VAV3: variants seen among roughly 807,000 people sequenced by gnomAD.
VAV3 encodes the protein vav guanine nucleotide exchange factor 3.
A neutral mutation model predicts 131.2 loss-of-function variants in VAV3; 94 were observed. The observed-to-expected ratio is 0.72, with a 90% CI of 0.61 to 0.85. The LOEUF is 0.85. Ranked by LOEUF, VAV3 falls within the 40% of genes least tolerant of loss-of-function variation. The pLI, the probability that VAV3 is intolerant of heterozygous loss-of-function variation, is 0.00. For missense variants in VAV3, 939 were observed against 1,002.7 expected, an observed-to-expected ratio of 0.94 and a Z score of 0.86; for synonymous variants, 349 against 342.0, an observed-to-expected ratio of 1.02 and a Z score of -0.22.
intron 20 of VAV3, among the ~76,000 whole-genome samples, chr1:107,633,438 C>T (rs1238753062): frequency 1.3e-5 from 2 of 152,162 alleles, no homozygotes; most frequent in African/African-American, 2.4e-5. Flanking sequence ...TTGACTACTT[C>T]CTGTCTCTTT....
chr1:107,836,424 T>C (rs1440531566), intron 2 of VAV3, among the ~76,000 whole-genome samples: 1 of 152,136 alleles, frequency 6.6e-6, no homozygotes, highest in Non-Finnish European at 1.5e-5. Flanking sequence ...ATAATGAGAG[T>C]AGTTTTAAGA....
intron 15 of VAV3, among the ~76,000 whole-genome samples, chr1:107,733,093 C>T (rs990674543): frequency 1.3e-5 from 2 of 152,186 alleles, no homozygotes; most frequent in African/African-American, 4.8e-5. Flanking sequence ...CCAAGGAAAA[C>T]AGGGTCTGGA....
intron 2 of VAV3, among the ~76,000 whole-genome samples, chr1:107,837,978 G>A (rs755878660): frequency 5.9e-5 from 9 of 152,050 alleles, no homozygotes; most frequent in Non-Finnish European, 1.2e-4. Flanking sequence ...ATGGGACCTG[G>A]CAAATAATTC....
Position 107,777,292 on chromosome 1 carries a change from A to G in VAV3, c.385T>C (p.Phe129Leu). Residue 129 changes from phenylalanine to leucine, a missense_variant, in exon 4 of 27, where the codon TTC (phenylalanine) becomes CTC (leucine). Physicochemically the swap from Phe to Leu is conservative, Grantham distance 22 (BLOSUM62 0). Coordinates refer to ENST00000370056, the MANE Select transcript of VAV3 (RefSeq NM_006113.5). ...PIALATGIRP[F>L]PTEESINDED... ...TCATTAATGCTTTCTTCTGTTGGGA[A>G]GGGCCTAGGAAGAGGAGAAAAAACA... 1 of 1,613,852 alleles carries G rather than the reference A, an allele frequency of 6.2e-7. No individual in the cohort carries two copies. Among genetic ancestry groups the G allele is most frequent in the Non-Finnish European group, 8.5e-7 (1 of 1,179,920 alleles).
chr1:107,918,583 T>C (rs1055827372), intron 1 of VAV3, among the ~76,000 whole-genome samples: 7 of 151,724 alleles, frequency 4.6e-5, no homozygotes, highest in African/African-American at 1.7e-4. Context: ...GCTCACTGTA[T>C]CCAAATTAAT....
chr1:107,868,792 G>A (rs1670120890), intron 2 of VAV3, among the ~76,000 whole-genome samples: 1 of 152,112 alleles, frequency 6.6e-6, no homozygotes, highest in African/African-American at 2.4e-5. Context: ...CATTTAACTG[G>A]TGAAACACAG....
chr1:107,944,677 T>C (rs1674164292), intron 1 of VAV3, among the ~76,000 whole-genome samples: 1 of 152,178 alleles, frequency 6.6e-6, no homozygotes, highest in Non-Finnish European at 1.5e-5. Context: ...CAATCTCAGC[T>C]CACTGCAACC....
intron 1 of VAV3, among the ~76,000 whole-genome samples, chr1:107,884,407 TA>T (rs1371938740): frequency 0.12 from 71 of 602 alleles, no homozygotes; most frequent in African/African-American, 0.26. Context: ...ATAAATTATT[TA>T]TTATTATTAT....
rs1317970944 is a variant in VAV3, at chr1:107,952,485, T to TATATATATATACAC, written c.204+12180_204+12181insGTGTATATATATAT. ...ACAAAACTTTATATATATATATATA[T>TATATATATATACAC]ACACACATAAATTCAACCTAAAAAA... is the stretch of plus-strand genomic sequence containing the variant. On this transcript the variant is annotated intron_variant, in intron 1 of 26. Coordinates refer to ENST00000370056, the MANE Select transcript of VAV3 (RefSeq NM_006113.5). 1.3e-3 allele frequency among the ~76,000 whole-genome samples: 120 copies of TATATATATATACAC among 94,388 alleles called. 3 individuals are homozygous for TATATATATATACAC. In the South Asian group the frequency reaches 0.016, roughly 13 times the overall value. 61.9% of individuals were successfully genotyped at this position (94,388 alleles called of 152,430 possible). A position where few individuals can be genotyped will look rare whatever the true frequency, so the allele number is the denominator to read the frequency against.
intron 17 of VAV3, among the ~76,000 whole-genome samples, chr1:107,693,376 A>G (rs1306209357): frequency 6.6e-6 from 1 of 152,208 alleles, no homozygotes; most frequent in Non-Finnish European, 1.5e-5. Flanking sequence ...AACTTAACAC[A>G]TCTTTTTTTC....
chr1:107,573,709 A>T (rs1649410364), intron 26 of VAV3, among the ~76,000 whole-genome samples: 1 of 152,224 alleles, frequency 6.6e-6, no homozygotes, highest in African/African-American at 2.4e-5. Context: ...TCCAATTTAC[A>T]TCAGCAGTTC....
chr1:107,609,029 A>G (rs1652516088), intron 22 of VAV3, among the ~76,000 whole-genome samples: 1 of 152,158 alleles, frequency 6.6e-6, no homozygotes, highest in Admixed American at 6.5e-5. Flanking sequence ...TACAGATGGC[A>G]TAACTTGGAA....
intron 18 of VAV3, among the ~76,000 whole-genome samples, chr1:107,684,508 T>A (rs4131724): frequency 0.084 from 12,740 of 152,268 alleles, 1,080 homozygotes; most frequent in African/African-American, 0.22. Flanking sequence ...GTTAAATGGA[T>A]GAAATGAGGT....
intron 1 of VAV3, among the ~76,000 whole-genome samples, chr1:107,945,129 T>C (rs1486112622): frequency 2.0e-5 from 3 of 152,196 alleles, no homozygotes; most frequent in African/African-American, 4.8e-5. Flanking sequence ...AATGTTATTA[T>C]AGGGCTTGGG....
chr1:107,634,946 C>T (rs978014927), intron 20 of VAV3, among the ~76,000 whole-genome samples: 1 of 149,782 alleles, frequency 6.7e-6, no homozygotes, highest in Admixed American at 6.6e-5. Flanking sequence ...GTTAGAATGG[C>T]AATCATTAAA....
chr1:107,716,892 A>T (rs1285769420), intron 15 of VAV3, among the ~76,000 whole-genome samples: 1 of 152,256 alleles, frequency 6.6e-6, no homozygotes, highest in South Asian at 2.1e-4. Flanking sequence ...TTGGTAAGCT[A>T]TTAATTATTG....
At chr1:107,671,930 C>G (rs1657829893) in intron 19 of VAV3, among the ~76,000 whole-genome samples, 1 of 151,910 alleles carries the variant, frequency 6.6e-6, no homozygotes, top group African/African-American at 2.4e-5. Flanking sequence ...AAGCACAAAA[C>G]AAAAAGTACA....
At chr1:107,890,069 CAATCTT>C (rs1412415215) in intron 1 of VAV3, among the ~76,000 whole-genome samples, 23 of 152,210 alleles carry the variant, frequency 1.5e-4, no homozygotes, top group African/African-American at 5.5e-4. Context: ...CACTATTTCA[CAATCTT>C]AATTTTATAA....
At chr1:107,741,239 T>C (rs1244427417) in intron 15 of VAV3, among the ~76,000 whole-genome samples, 3 of 152,260 alleles carry the variant, frequency 2.0e-5, no homozygotes, top group African/African-American at 7.2e-5. Flanking sequence ...AATAGAAACA[T>C]GGGTCTTTCA....
Sources: allele counts gnomAD v4.1 joint callset (sites outside exome capture counted in the v4.1 genomes callset), GRCh38; gene constraint gnomAD v4.1.1; transcripts MANE v1.5; gene names NCBI Gene and HGNC (gene_info 2026-07-23, HGNC 2026-07-21).